FANCD2: variants seen among roughly 807,000 people sequenced by gnomAD.
The protein encoded by FANCD2 is FA complementation group D2.
Under a neutral mutation model 192.3 loss-of-function variants are expected in FANCD2, and 131 were observed. That is an observed-to-expected ratio of 0.68 (90% confidence interval 0.59 to 0.79). The LOEUF (loss-of-function observed/expected upper bound fraction) is 0.79. Among genes scored for constraint, FANCD2 ranks in the 30% least tolerant of loss-of-function variants. FANCD2 has a pLI of 0.00. For missense variants in FANCD2, 1,508 were observed against 1,701.6 expected (o/e 0.89, Z 2.00); for synonymous variants, 524 against 612.5 (o/e 0.86, Z 2.13).
intron 25 of FANCD2, 24 bp downstream of exon 25, chr3:10,066,003 T>G: frequency 7.2e-7 from 1 of 1,390,350 alleles, no homozygotes. Context: ...ATAGGATGTT[T>G]CACTTATTGT....
At chr3:10,052,722 T>C (rs2087255318) in intron 18 of FANCD2, among the ~76,000 whole-genome samples, 1 of 151,894 alleles carries the variant, frequency 6.6e-6, no homozygotes, top group Admixed American at 6.6e-5. Context: ...GCGAAGGACA[T>C]GAACAGACAC....
intron 20 of FANCD2, among the ~76,000 whole-genome samples, 160 bp downstream of exon 20, chr3:10,062,371 G>A (rs1374840845): frequency 1.3e-5 from 2 of 151,816 alleles, no homozygotes; most frequent in Non-Finnish European, 2.9e-5. Context: ...CTCCAGAGTA[G>A]CTGGGATTAC....
At chr3:10,087,040 A>C (rs1185846885) in intron 33 of FANCD2, 94 bp from the exon 34 acceptor site, 72 of 1,378,662 alleles carry the variant, frequency 5.2e-5, no homozygotes, top group Non-Finnish European at 4.1e-6. Context: ...GCCGTCAAAC[A>C]CTGAAAGGGA....
chr3:10,040,108 C>T (rs1249898844), intron 9 of FANCD2: 3 of 455,134 alleles, frequency 6.6e-6, no homozygotes, highest in Non-Finnish European at 1.2e-5. Flanking sequence ...GATCTCAGCT[C>T]ACTGCAACCT....
At chr3:10,044,234 A>G (rs1330017543) in intron 14 of FANCD2, among the ~76,000 whole-genome samples, 1 of 152,148 alleles carries the variant, frequency 6.6e-6, no homozygotes, top group Non-Finnish European at 1.5e-5. Flanking sequence ...ACTCAGCACC[A>G]CTGTCAAGAT....
intron 42 of FANCD2, among the ~76,000 whole-genome samples, chr3:10,098,232 TAAGTA>T (rs1695095155): frequency 1.3e-5 from 2 of 152,172 alleles, no homozygotes; most frequent in Non-Finnish European, 2.9e-5. Flanking sequence ...TCAGAGAAGT[TAAGTA>T]ATTTACCTAA....
rs376013316 is a variant in FANCD2 at position 10,054,336 on chromosome 3, C to CAT, written c.1656+1853_1656+1854dup. Among the ~76,000 whole-genome samples the CAT allele has an allele frequency of 4.9e-3, 639 of 130,304 alleles. 11 individuals carry two copies. The highest frequency in any genetic ancestry group is 0.035 in the South Asian group (145 of 4,184). 85.5% of individuals were successfully genotyped at this position (130,304 alleles called of 152,430 possible). ...CTGGACTGTGACTTTGAACAACCAG[C>CAT]ATATATATATATATACGTATATATA... is the stretch of plus-strand genomic sequence containing the variant. On this transcript the variant is annotated intron_variant, in intron 18 of 43. Transcript: ENST00000675286.
chr3:10,066,013 T>G, intron 25 of FANCD2, 34 bp downstream of exon 25: 1 of 1,347,516 alleles, frequency 7.4e-7, no homozygotes, highest in South Asian at 1.2e-5. Flanking sequence ...TCACTTATTG[T>G]GCATAGTTTT....
At chr3:10,029,444 T>A (rs1332666101) in intron 2 of FANCD2, among the ~76,000 whole-genome samples, 6 of 152,016 alleles carry the variant, frequency 3.9e-5, no homozygotes, top group Admixed American at 3.3e-4. Context: ...GAGGGTGCAA[T>A]GAGTCAATAA....
At position 10,096,410 on chromosome 3, in the gene FANCD2, C is replaced by G; in HGVS notation, c.4123C>G (p.Leu1375Val). 1 of 1,614,084 alleles carries G rather than the reference C, an allele frequency of 6.2e-7. No homozygotes were observed. The highest frequency in any genetic ancestry group is 8.5e-7 in the Non-Finnish European group (1 of 1,179,948). ...TTTAGTTTGCAGAGTCAAAGCTATG[C>G]TCACTCTCAACAATTGTAGAGAGGC... ...ELLVCRVKAM[L>V]TLNNCREAFW... Residue 1375 changes from leucine to valine, a missense_variant, in exon 42 of 44, where the codon CTC becomes GTC. By Grantham distance (32) the Leu-to-Val change is conservative. Around this residue, in one of 5 missense-constraint regions of FANCD2, gnomAD observed 796 missense variants for 879.4 expected, o/e 0.91. Coordinates refer to ENST00000675286, the MANE Select transcript of FANCD2 (RefSeq NM_001018115.3).
chr3:10,037,329 C>T (rs757795334), intron 7 of FANCD2, among the ~76,000 whole-genome samples: 21 of 152,198 alleles, frequency 1.4e-4, no homozygotes, highest in Non-Finnish European at 2.5e-4. Context: ...AAAATAAATG[C>T]ATTTTTTCCT....
chr3:10,039,401 C>A (rs2124984377), intron 8 of FANCD2, 44 bp downstream of exon 8: 1 of 1,476,104 alleles, frequency 6.8e-7, no homozygotes, highest in Non-Finnish European at 9.5e-7. Context: ...GAGTATGTTT[C>A]TCATATCTTT....
intron 2 of FANCD2, among the ~76,000 whole-genome samples, chr3:10,030,925 T>G (rs751393709): frequency 3.3e-5 from 5 of 151,516 alleles, no homozygotes; most frequent in Admixed American, 6.6e-5. Context: ...GTTGTGAAGC[T>G]CCAATGGTTG....
At chr3:10,094,706 T>A (rs13433680) in intron 40 of FANCD2, among the ~76,000 whole-genome samples, 37,237 of 147,746 alleles carry the variant, frequency 0.25, 6,132 homozygotes, top group African/African-American at 0.48. Flanking sequence ...GAAATGATTT[T>A]AAAAAAAAAA....
At chr3:10,051,590 G>A (rs1318119256) in intron 17 of FANCD2, among the ~76,000 whole-genome samples, 1 of 151,988 alleles carries the variant, frequency 6.6e-6, no homozygotes, top group African/African-American at 2.4e-5. Flanking sequence ...TAGAGTCAAT[G>A]TCGAGAAGCA....
At chr3:10,030,910 A>AG (rs578196227) in intron 2 of FANCD2, among the ~76,000 whole-genome samples, 8 of 151,984 alleles carry the variant, frequency 5.3e-5, no homozygotes, top group Non-Finnish European at 1.0e-4. Flanking sequence ...CAAAAAAAAA[A>AG]GGAAGTTGTG....
chr3:10,097,897 G>T (rs1392742503), intron 42 of FANCD2, among the ~76,000 whole-genome samples: 2 of 152,134 alleles, frequency 1.3e-5, no homozygotes, highest in African/African-American at 4.8e-5. Context: ...CACAATCCAC[G>T]TTCTTCTGTC....
chr3:10,030,151 C>T (rs1472487179), intron 2 of FANCD2, among the ~76,000 whole-genome samples: 1 of 144,390 alleles, frequency 6.9e-6, no homozygotes, highest in African/African-American at 2.6e-5. Flanking sequence ...GTCTGGAGTG[C>T]AGTGGCACAA....
At chr3:10,049,554 G>A (rs553875222) in intron 17 of FANCD2, 49 bp downstream of exon 17, 29 of 1,551,826 alleles carry the variant, frequency 1.9e-5, no homozygotes, top group East Asian at 9.0e-5. Flanking sequence ...TATAATTGGT[G>A]GGAGGTGGTG....
Sources: allele counts gnomAD v4.1 joint callset (sites outside exome capture counted in the v4.1 genomes callset), GRCh38; gene constraint gnomAD v4.1.1; regional missense constraint gnomAD v4.1.1; transcripts MANE v1.5; gene names NCBI Gene and HGNC (gene_info 2026-07-23, HGNC 2026-07-21).